The following AKT3 variants were observed in gnomAD, a reference collection of about 807,000 sequenced individuals.
The protein encoded by AKT3 is RAC-gamma serine/threonine-protein kinase.
AKT3 carries 15 observed loss-of-function variants against 65.3 expected under a neutral mutation model. That is an observed-to-expected ratio of 0.23 (90% CI 0.15 to 0.35). The LOEUF (loss-of-function observed/expected upper bound fraction) is 0.35, where lower values mean the gene tolerates loss of function less well. Among genes scored for constraint, AKT3 ranks in the 10% least tolerant of loss-of-function variants. The pLI, the probability that AKT3 is intolerant of heterozygous loss-of-function variation, is 1.00. For missense variants in AKT3, 243 were observed against 576.5 expected (o/e 0.42, Z 5.92); for synonymous variants, 206 against 183.8 (o/e 1.12, Z -0.98).
rs549530555 is a variant in AKT3, at chr1:243,626,275, G to A, written c.562-11114C>T. Among the ~76,000 whole-genome samples, 23 of 152,216 alleles carry A rather than the reference G, an allele frequency of 1.5e-4. No homozygotes were observed. The South Asian group carries it at 4.6e-3, about 30-fold the overall frequency. ...GGGTAACACAAAACAGATAGTCAAC[G>A]AAGTCCCAAGCAGGATGAAGTTTTA... On this transcript the variant is annotated intron_variant, in intron 6 of 13. Coordinates refer to ENST00000673466, the MANE Select transcript of AKT3 (RefSeq NM_005465.7).
chr1:243,653,031 C>A (rs1367336085), intron 4 of AKT3, among the ~76,000 whole-genome samples: 3 of 151,458 alleles, frequency 2.0e-5, no homozygotes, highest in African/African-American at 7.3e-5. Context: ...CATGAAAAAA[C>A]CCTTCAAAAA....
intron 2 of AKT3, among the ~76,000 whole-genome samples, chr1:243,798,403 T>TTG (rs1285120959): frequency 2.3e-5 from 3 of 131,824 alleles, no homozygotes; most frequent in Admixed American, 7.5e-5. Context: ...ATTTTTTTTT[T>TTG]TTTTTTTTTT....
intron 2 of AKT3, among the ~76,000 whole-genome samples, chr1:243,753,484 T>A (rs906194889): frequency 1.3e-5 from 2 of 152,148 alleles, no homozygotes; most frequent in Non-Finnish European, 2.9e-5. Context: ...AAGCCAACAA[T>A]GTCCCCTTAG....
chr1:243,659,924 T>C, intron 4 of AKT3, among the ~76,000 whole-genome samples: 1 of 152,194 alleles, frequency 6.6e-6, no homozygotes, highest in Non-Finnish European at 1.5e-5. Context: ...TCATCAAGGA[T>C]ATTGGTCTAA....
At chr1:243,507,073 T>C (rs1467984792) in intron 13 of AKT3, among the ~76,000 whole-genome samples, 3 of 152,208 alleles carry the variant, frequency 2.0e-5, no homozygotes, top group Non-Finnish European at 2.9e-5. Context: ...AACAGCTTTA[T>C]TTTACTCAGT....
intron 6 of AKT3, among the ~76,000 whole-genome samples, chr1:243,621,707 T>A (rs1018488075): frequency 1.3e-5 from 2 of 152,122 alleles, no homozygotes; most frequent in Admixed American, 1.3e-4. Context: ...ATTCCAAATC[T>A]CCCCTTGAAA....
intron 13 of AKT3, among the ~76,000 whole-genome samples, chr1:243,493,133 C>G (rs951808921): frequency 6.6e-6 from 1 of 151,002 alleles, no homozygotes; most frequent in Non-Finnish European, 1.5e-5. Flanking sequence ...CACACCCTGG[C>G]CTGTCTTTTG....
At chr1:243,725,233 A>C (rs1370203047) in intron 2 of AKT3, among the ~76,000 whole-genome samples, 1 of 152,058 alleles carries the variant, frequency 6.6e-6, no homozygotes, top group African/African-American at 2.4e-5. Flanking sequence ...ATGAAACTGC[A>C]ATAAGGGCAG....
In AKT3 at chr1:243,645,905, A is replaced by G. The variant is rs1283519302; in HGVS notation, c.417T>C (p.His139=). Residue 139 remains histidine, a synonymous_variant, in exon 5 of 14, where the codon CAT becomes CAC. Coordinates refer to ENST00000673466, the MANE Select transcript of AKT3 (RefSeq NM_005465.7). ...TATTATTTTCTACCTTTCTTTTATGATGGGTTGTAGAGGCATCCATCTCTT... is the reference window on the plus strand; with the variant it reads ...TATTATTTTCTACCTTTCTTTTATGGTGGGTTGTAGAGGCATCCATCTCTT... The part of the protein sequence containing the change: ...GEEEMDASTT[H]HKRKTMNDFD... The G allele has an allele frequency of 5.0e-6, 8 of 1,606,532 alleles. No individual in the cohort carries two copies. Among genetic ancestry groups the G allele is most frequent in the Non-Finnish European group, 5.9e-6 (7 of 1,176,722 alleles).
chr1:243,750,816 C>T (rs148929170), intron 2 of AKT3, among the ~76,000 whole-genome samples: 6 of 151,936 alleles, frequency 3.9e-5, no homozygotes, highest in Non-Finnish European at 8.8e-5. Context: ...TCCTGACCTC[C>T]GGTGATCTGC....
At chr1:243,633,642 A>G (rs1249413112) in intron 6 of AKT3, among the ~76,000 whole-genome samples, 1 of 152,172 alleles carries the variant, frequency 6.6e-6, no homozygotes, top group East Asian at 1.9e-4. Context: ...AATATACACA[A>G]CAGGAAATGA....
At chr1:243,785,567 T>C (rs1230266041) in intron 2 of AKT3, among the ~76,000 whole-genome samples, 1 of 152,208 alleles carries the variant, frequency 6.6e-6, no homozygotes, top group Non-Finnish European at 1.5e-5. Flanking sequence ...CTCATGTTTC[T>C]TTCACATGTG....
chr1:243,631,361 G>A (rs1353984182), intron 6 of AKT3, among the ~76,000 whole-genome samples: 1 of 152,132 alleles, frequency 6.6e-6, no homozygotes, highest in South Asian at 2.1e-4. Context: ...ACCCAGGCTG[G>A]AGTGCAGTGG....
chr1:243,796,730 T>C (rs953972108), intron 2 of AKT3, among the ~76,000 whole-genome samples: 9 of 152,176 alleles, frequency 5.9e-5, no homozygotes, highest in African/African-American at 2.2e-4. Flanking sequence ...CCTTCTCATT[T>C]TTCAGATCTC....
In AKT3 at chr1:243,500,133, A is replaced by AAAAC. The variant is rs1491114544; in HGVS notation, c.*5112_*5115dup. On this transcript the variant is annotated 3_prime_UTR_variant, in exon 14 of 14. Transcript: ENST00000673466. ...TCCTTTTTATCTTGTAGTGATGAAC[A>AAAAC]AAACACACCAAAAAGGCACATATTT... 2 of 318,502 alleles carry AAAAC rather than the reference A, an allele frequency of 6.3e-6. No homozygotes were observed. The highest frequency in any genetic ancestry group is 2.1e-5 in the African/African-American group (1 of 48,282). 19.7% of individuals were successfully genotyped at this position (318,502 alleles called of 1,614,324 possible).
At chr1:243,634,923 G>A (rs1206302228) in intron 6 of AKT3, among the ~76,000 whole-genome samples, 1 of 151,842 alleles carries the variant, frequency 6.6e-6, no homozygotes, top group Non-Finnish European at 1.5e-5. Context: ...GGCAACGGAA[G>A]ACTTCGACAA....
rs1412239185 is a variant in AKT3, at chr1:243,493,339, A to G, written c.*7-4889T>C. Among the ~76,000 whole-genome samples, 6 of 152,230 alleles carry G rather than the reference A, an allele frequency of 3.9e-5. No homozygotes were observed. In the East Asian group the frequency reaches 1.2e-3, roughly 29 times the overall value. On this transcript the variant is annotated intron_variant, in intron 13 of 13. Transcript: ENST00000336199. ...TGCGGCCCAGAGCCTGGGGGCTCTA[A>G]CATCTGGCTAGGAAGGTTGGAGCCA...
At chr1:243,588,414 G>C (rs1218157568) in intron 8 of AKT3, among the ~76,000 whole-genome samples, 1 of 152,144 alleles carries the variant, frequency 6.6e-6, no homozygotes, top group Non-Finnish European at 1.5e-5. Flanking sequence ...AGTGAAACCT[G>C]AACTTACACG....
chr1:243,679,736 G>T (rs1397287078), intron 3 of AKT3, among the ~76,000 whole-genome samples: 1 of 152,094 alleles, frequency 6.6e-6, no homozygotes, highest in Non-Finnish European at 1.5e-5. Flanking sequence ...ATTCAGGCTT[G>T]TCAGTCTAAG....
Sources: gnomAD v4.1 joint callset for allele counts (sites outside exome capture counted in the v4.1 genomes callset) on GRCh38, gnomAD v4.1.1 for gene constraint, MANE v1.5 for transcripts, NCBI Gene and HGNC (gene_info 2026-07-23, HGNC 2026-07-21) for gene names.